Variants in ERBB4 observed in about 807,000 individuals in gnomAD.
The protein encoded by ERBB4 is receptor tyrosine-protein kinase erbB-4.
Under a neutral mutation model 158.0 loss-of-function variants are expected in ERBB4, and 42 were observed. The ratio of observed to expected loss-of-function variants is 0.27; its 90% CI spans 0.21 to 0.34. ERBB4 has a LOEUF of 0.34. ERBB4 is among the 10% of genes least tolerant of loss of function. The probability of loss-of-function intolerance (pLI) is 1.00; values close to 1 mark genes in which losing one functional copy is unlikely to be tolerated. For missense variants in ERBB4, 1,333 were observed against 1,624.1 expected, an observed-to-expected ratio of 0.82 and a Z score of 3.08; for synonymous variants, 583 against 558.7, an observed-to-expected ratio of 1.04 and a Z score of -0.61.
chr2:212,149,123 A>G (rs1315254155), intron 1 of ERBB4, among the ~76,000 whole-genome samples: 2 of 150,722 alleles, frequency 1.3e-5, no homozygotes, highest in African/African-American at 2.4e-5. Context: ...TATGTAACTA[A>G]CCTGCACAAT....
intron 1 of ERBB4, among the ~76,000 whole-genome samples, chr2:212,229,792 T>C (rs533321135): frequency 6.6e-6 from 1 of 152,228 alleles, no homozygotes; most frequent in African/African-American, 2.4e-5. Flanking sequence ...ATTTAATGTT[T>C]GATTTCATGT....
chr2:211,661,222 G>A (rs766725141), intron 15 of ERBB4, among the ~76,000 whole-genome samples: 79 of 152,112 alleles, frequency 5.2e-4, no homozygotes, highest in Non-Finnish European at 6.0e-4. Flanking sequence ...AATACAAGCC[G>A]CTGAAAACTA....
chr2:211,948,358 C>T (rs2080763546), intron 2 of ERBB4, among the ~76,000 whole-genome samples: 1 of 138,848 alleles, frequency 7.2e-6, no homozygotes, highest in African/African-American at 2.6e-5. Context: ...ATCACTTGAA[C>T]CCAGGAGGCG....
chr2:212,149,169 T>TA (rs57137213), intron 1 of ERBB4, among the ~76,000 whole-genome samples: 86,413 of 151,174 alleles, frequency 0.57, 25,314 homozygotes, highest in Non-Finnish European at 0.62. Context: ...ATATAATAAT[T>TA]AAAAAAAAAT....
At chr2:212,129,992 T>C (rs2080063168) in intron 1 of ERBB4, among the ~76,000 whole-genome samples, 1 of 152,120 alleles carries the variant, frequency 6.6e-6, no homozygotes, top group Non-Finnish European at 1.5e-5. Flanking sequence ...TAGTTGTTTT[T>C]GTGGAGCCTC....
At chr2:211,693,581 G>A (rs565301280) in intron 12 of ERBB4, among the ~76,000 whole-genome samples, 1 of 152,212 alleles carries the variant, frequency 6.6e-6, no homozygotes, top group South Asian at 2.1e-4. Flanking sequence ...ATAGAACGAT[G>A]GGGGAATAAT....
chr2:212,037,719 C>G (rs969598700), intron 2 of ERBB4, among the ~76,000 whole-genome samples: 1 of 152,146 alleles, frequency 6.6e-6, no homozygotes, highest in African/African-American at 2.4e-5. Flanking sequence ...AAATTACAAA[C>G]TTTTTGAAGT....
intron 3 of ERBB4, among the ~76,000 whole-genome samples, chr2:211,800,736 G>A (rs915303764): frequency 1.7e-4 from 25 of 150,140 alleles, no homozygotes; most frequent in Non-Finnish European, 1.8e-4. Context: ...CTTGAGGTGC[G>A]TTTCTTTTGC....
intron 19 of ERBB4, among the ~76,000 whole-genome samples, chr2:211,562,775 T>C (rs892508819): frequency 6.9e-5 from 8 of 115,822 alleles, no homozygotes; most frequent in African/African-American, 1.5e-4. Flanking sequence ...CCAACTTTTT[T>C]TTTTTTTTTT....
chr2:212,044,088 T>G (rs1559375647), intron 2 of ERBB4, among the ~76,000 whole-genome samples: 1 of 152,128 alleles, frequency 6.6e-6, no homozygotes, highest in Non-Finnish European at 1.5e-5. Context: ...CTGAGTGCTT[T>G]ATGTGCATTG....
intron 20 of ERBB4, among the ~76,000 whole-genome samples, chr2:211,508,947 AAAC>A (rs141613964): frequency 8.4e-6 from 1 of 118,780 alleles, no homozygotes; most frequent in East Asian, 2.7e-4. Flanking sequence ...ACAAACAAAA[AAAC>A]AAAACAAAAA....
chr2:212,313,002 T>C (rs146715085), intron 1 of ERBB4, among the ~76,000 whole-genome samples: 2,173 of 151,020 alleles, frequency 0.014, 53 homozygotes, highest in African/African-American at 0.048. Flanking sequence ...ATTTTCAAAG[T>C]ACAGTGAATA....
chr2:211,772,846 TATATATATATATATATATATATACAC>T (rs1559504313), intron 4 of ERBB4, among the ~76,000 whole-genome samples: 7 of 60,780 alleles, frequency 1.2e-4, no homozygotes, highest in Non-Finnish European at 1.9e-4. Flanking sequence ...CACATATATA[TATATATATATATATATATATATACAC>T]ATATATATAT....
At chr2:212,286,419 A>C (rs2085963062) in intron 1 of ERBB4, among the ~76,000 whole-genome samples, 1 of 152,066 alleles carries the variant, frequency 6.6e-6, no homozygotes, top group South Asian at 2.1e-4. Context: ...TTATAAAAGC[A>C]ACTTCAGTAA....
intron 3 of ERBB4, among the ~76,000 whole-genome samples, chr2:211,883,510 G>T (rs1404375223): frequency 1.3e-5 from 2 of 152,022 alleles, no homozygotes; most frequent in Admixed American, 1.3e-4. Flanking sequence ...AGTCACGGTG[G>T]CTCACACCTG....
intron 19 of ERBB4, among the ~76,000 whole-genome samples, chr2:211,589,234 C>A (rs1011295260): frequency 6.6e-6 from 1 of 152,060 alleles, no homozygotes; most frequent in African/African-American, 2.4e-5. Flanking sequence ...GTAATCACAG[C>A]AAAAGATACA....
intron 3 of ERBB4, among the ~76,000 whole-genome samples, chr2:211,880,416 C>G (rs899119747): frequency 6.6e-6 from 1 of 152,052 alleles, no homozygotes; most frequent in Non-Finnish European, 1.5e-5. Context: ...TATTTTTATC[C>G]TCCTATTATG....
At chr2:212,129,340 A>G (rs555923363) in intron 1 of ERBB4, among the ~76,000 whole-genome samples, 10 of 151,652 alleles carry the variant, frequency 6.6e-5, no homozygotes, top group Non-Finnish European at 1.2e-4. Flanking sequence ...TGAGAGATGC[A>G]TCTATTACTG....
chr2:211,874,882 G>A (rs927642124), intron 3 of ERBB4, among the ~76,000 whole-genome samples: 2 of 151,880 alleles, frequency 1.3e-5, no homozygotes, highest in Non-Finnish European at 2.9e-5. Context: ...AAACATTTTT[G>A]TTAATGCTAA....
Sources: allele counts gnomAD v4.1 joint callset (sites outside exome capture counted in the v4.1 genomes callset), GRCh38; gene constraint gnomAD v4.1.1; transcripts MANE v1.5; gene names NCBI Gene and HGNC (gene_info 2026-07-23, HGNC 2026-07-21).